Variants in FNDC3A observed in about 807,000 individuals in gnomAD.
FNDC3A encodes the protein fibronectin type-III domain-containing protein 3A.
FNDC3A carries 32 observed loss-of-function variants against 148.9 expected under a neutral mutation model. The ratio of observed to expected loss-of-function variants is 0.21; its 90% CI spans 0.16 to 0.29. The LOEUF (loss-of-function observed/expected upper bound fraction) is 0.29. Among genes scored for constraint, FNDC3A ranks in the 10% least tolerant of loss-of-function variants. The probability of loss-of-function intolerance (pLI) is 1.00; values close to 1 mark genes in which losing one functional copy is unlikely to be tolerated. For synonymous variants in FNDC3A, 472 were observed against 473.6 expected (o/e 1.00, Z 0.04); for missense variants, 1,191 against 1,452.8 (o/e 0.82, Z 2.93).
intron 4 of FNDC3A, among the ~76,000 whole-genome samples, chr13:49,120,423 CTG>C (rs1220903347): frequency 3.3e-5 from 5 of 152,188 alleles, no homozygotes. Flanking sequence ...TATGAAGAGA[CTG>C]CATCAACTAA....
chr13:49,102,588 G>T (rs1879931123), intron 3 of FNDC3A, among the ~76,000 whole-genome samples: 1 of 152,162 alleles, frequency 6.6e-6, no homozygotes, highest in Non-Finnish European at 1.5e-5. Flanking sequence ...CATCCTCAGT[G>T]TTAGTGACGT....
At chr13:49,162,298 T>C (rs1420415892) in intron 8 of FNDC3A, among the ~76,000 whole-genome samples, 4 of 152,158 alleles carry the variant, frequency 2.6e-5, no homozygotes, top group Non-Finnish European at 4.4e-5. Flanking sequence ...TGGAGGCTTC[T>C]TTCGTTTCTT....
intron 4 of FNDC3A, among the ~76,000 whole-genome samples, chr13:49,115,695 T>C (rs998842968): frequency 6.6e-6 from 1 of 152,248 alleles, no homozygotes; most frequent in Non-Finnish European, 1.5e-5. Flanking sequence ...CATTATGAGA[T>C]GAGATCACGT....
chr13:49,093,700 A>T (rs1487182476), intron 3 of FNDC3A, among the ~76,000 whole-genome samples: 1 of 152,174 alleles, frequency 6.6e-6, no homozygotes, highest in Non-Finnish European at 1.5e-5. Flanking sequence ...TCATAGTCCA[A>T]CAATGATTAG....
At chr13:49,173,255 G>A (rs1274400433) in intron 11 of FNDC3A, among the ~76,000 whole-genome samples, 7 of 152,212 alleles carry the variant, frequency 4.6e-5, no homozygotes, top group African/African-American at 1.7e-4. Context: ...TTGGGAATTC[G>A]GCAGTATATT....
chr13:49,130,613 A>G (rs1881969736), intron 4 of FNDC3A, among the ~76,000 whole-genome samples: 1 of 152,146 alleles, frequency 6.6e-6, no homozygotes, highest in Non-Finnish European at 1.5e-5. Flanking sequence ...TTGTCTAATC[A>G]GTGTTTTAAG....
chr13:49,160,983 G>A lies in FNDC3A; in HGVS notation c.978-6261G>A, dbSNP rs560389927. Among the ~76,000 whole-genome samples the A allele has an allele frequency of 3.2e-4, 48 of 152,330 alleles. No homozygotes were observed. The South Asian group carries it at 3.9e-3, about 12-fold the overall frequency. ...AATTTGATTGCACTGTGGTCTGAGA[G>A]ACAGTTTGTTATAATTTCTGTTCTT... On this transcript the variant is annotated intron_variant, in intron 8 of 25. Transcript: ENST00000492622.
chr13:48,998,403 AAC>A (rs1483182099), intron 1 of FNDC3A, among the ~76,000 whole-genome samples: 4 of 152,220 alleles, frequency 2.6e-5, no homozygotes, highest in African/African-American at 7.2e-5. Context: ...TTGCAGTTAA[AAC>A]AGTCAAAACT....
chr13:49,200,998 C>G (rs1185887882), intron 23 of FNDC3A: 1 of 154,554 alleles, frequency 6.5e-6, no homozygotes, highest in Non-Finnish European at 1.4e-5. Context: ...CAAGGCTTAT[C>G]CAATTACTGC....
chr13:49,170,719 G>A (rs1226270060), intron 10 of FNDC3A, among the ~76,000 whole-genome samples: 3 of 152,086 alleles, frequency 2.0e-5, no homozygotes, highest in African/African-American at 4.8e-5. Flanking sequence ...TAAAGTTCAG[G>A]TAATAGTACT....
intron 23 of FNDC3A, among the ~76,000 whole-genome samples, chr13:49,200,267 A>G (rs536924267): frequency 3.3e-4 from 50 of 152,306 alleles, no homozygotes; most frequent in Non-Finnish European, 5.7e-4. Context: ...ACTCTCTATC[A>G]GAAATACTTA....
chr13:49,075,185 C>T (rs1878012243), intron 2 of FNDC3A, 104 bp from the exon 3 acceptor site: 1 of 575,402 alleles, frequency 1.7e-6, no homozygotes, highest in Non-Finnish European at 3.0e-6. Context: ...ATTTTCCTTC[C>T]CAGTTTCATA....
At chr13:49,204,020 T>C (rs890625118) in intron 25 of FNDC3A, among the ~76,000 whole-genome samples, 1 of 152,156 alleles carries the variant, frequency 6.6e-6, no homozygotes, top group Non-Finnish European at 1.5e-5. Flanking sequence ...GACTATAGTG[T>C]TGAAACTACA....
intron 20 of FNDC3A, 123 bp downstream of exon 20, chr13:49,197,113 C>T: frequency 2.0e-6 from 1 of 491,098 alleles, no homozygotes; most frequent in Non-Finnish European, 3.5e-6. Context: ...TAGTTTAATT[C>T]ACATGAAAAA....
intron 1 of FNDC3A, among the ~76,000 whole-genome samples, chr13:48,977,493 A>G (rs1309309518): frequency 6.6e-6 from 1 of 152,204 alleles, no homozygotes; most frequent in Non-Finnish European, 1.5e-5. Context: ...CGTATTTACT[A>G]ACTCTTGTCA....
rs142087858 is a variant in FNDC3A at position 49,183,350 on chromosome 13, A to G, written c.1618-2614A>G. 4.6e-5 allele frequency among the ~76,000 whole-genome samples: 7 copies of G among 152,280 alleles called. No homozygotes were observed. The East Asian group carries it at 7.7e-4, about 17-fold the overall frequency. ...CTCCTGCCCCATTCTTTTGATATGC[A>G]TATTGCTTATCTTCTGCATGAAGAT... On this transcript the variant is annotated intron_variant, in intron 14 of 25. Transcript: ENST00000492622.
chr13:49,190,533 A>C (rs151198067), intron 17 of FNDC3A, among the ~76,000 whole-genome samples: 55 of 152,320 alleles, frequency 3.6e-4, no homozygotes, highest in African/African-American at 1.2e-3. Context: ...ATAAATAAAT[A>C]AATCAGTGTT....
At chr13:49,021,038 A>T (rs1198216782) in intron 2 of FNDC3A, among the ~76,000 whole-genome samples, 1 of 152,240 alleles carries the variant, frequency 6.6e-6, no homozygotes, top group East Asian at 1.9e-4. Context: ...GAGTTTATTC[A>T]TACTGAGAGA....
At chr13:48,993,695 G>T (rs2137571751) in intron 1 of FNDC3A, among the ~76,000 whole-genome samples, 1 of 152,242 alleles carries the variant, frequency 6.6e-6, no homozygotes, top group East Asian at 1.9e-4. Flanking sequence ...ATTTAAAAAA[G>T]ATCGCTAGAG....
Sources: gnomAD v4.1 joint callset for allele counts (sites outside exome capture counted in the v4.1 genomes callset) on GRCh38, gnomAD v4.1.1 for gene constraint, MANE v1.5 for transcripts, NCBI Gene and HGNC (gene_info 2026-07-23, HGNC 2026-07-21) for gene names.